Variants in TMEM132D observed in about 807,000 individuals in gnomAD.
TMEM132D encodes the protein mature OL transmembrane protein.
A neutral mutation model predicts 62.3 loss-of-function variants in TMEM132D; 21 were observed. The ratio of observed to expected loss-of-function variants is 0.34; its 90% CI spans 0.24 to 0.49. The LOEUF (loss-of-function observed/expected upper bound fraction) is 0.49, where lower values mean the gene tolerates loss of function less well. Ranked by LOEUF, TMEM132D falls within the 20% of genes least tolerant of loss-of-function variation. TMEM132D has a pLI of 0.99. For synonymous variants in TMEM132D, 621 were observed against 575.6 expected, an observed-to-expected ratio of 1.08 and a Z score of -1.13; for missense variants, 1,346 against 1,402.8, an observed-to-expected ratio of 0.96 and a Z score of 0.65.
rs114070818 is a variant in TMEM132D, at chr12:129,247,428, G to A, written c.1300-37765C>T. On this transcript the variant is annotated intron_variant, in intron 4 of 8. Coordinates refer to ENST00000422113, the MANE Select transcript of TMEM132D (RefSeq NM_133448.3). The stretch of plus-strand genomic sequence containing the variant: ...CAGCACACGACAGTCTATCTACCGT[G>A]GGAAATGGTATTGAAATAGGTCATG... 4.3e-3 allele frequency among the ~76,000 whole-genome samples: 652 copies of A among 152,270 alleles called. 6 individuals carry two copies. Among genetic ancestry groups the A allele is most frequent in the African/African-American group, 0.015 (605 of 41,560 alleles).
At chr12:129,517,123 GAC>G (rs1340289660) in intron 3 of TMEM132D, among the ~76,000 whole-genome samples, 1 of 152,124 alleles carries the variant, frequency 6.6e-6, no homozygotes, top group African/African-American at 2.4e-5. Flanking sequence ...ATAGATCCCG[GAC>G]ACAGGCATAT....
chr12:129,553,521 T>C (rs911916290), intron 2 of TMEM132D, among the ~76,000 whole-genome samples: 12 of 152,236 alleles, frequency 7.9e-5, no homozygotes, highest in African/African-American at 2.6e-4. Context: ...GGATGGAAAA[T>C]GTTTTGCAGC....
At chr12:129,407,107 TTTGA>T (rs1871814160) in intron 3 of TMEM132D, among the ~76,000 whole-genome samples, 1 of 152,246 alleles carries the variant, frequency 6.6e-6, no homozygotes, top group Non-Finnish European at 1.5e-5. Flanking sequence ...TTTTTAAAGC[TTTGA>T]TTAAGACTTG....
At chr12:129,603,259 A>G (rs747110348) in intron 2 of TMEM132D, among the ~76,000 whole-genome samples, 4 of 152,210 alleles carry the variant, frequency 2.6e-5, no homozygotes, top group African/African-American at 4.8e-5. Flanking sequence ...ACCATATCAT[A>G]CAGAGTAGAT....
At chr12:129,386,069 C>T (rs1871098065) in intron 3 of TMEM132D, among the ~76,000 whole-genome samples, 2 of 152,174 alleles carry the variant, frequency 1.3e-5, no homozygotes, top group Admixed American at 6.5e-5. Context: ...CCTGCTGGCT[C>T]ACAGTGGTAA....
chr12:129,555,399 G>A (rs992785623), intron 2 of TMEM132D, among the ~76,000 whole-genome samples: 4 of 152,200 alleles, frequency 2.6e-5, no homozygotes, highest in African/African-American at 9.7e-5. Context: ...ATTACCCTGG[G>A]ATGACCCTGC....
chr12:129,756,120 T>C (rs1800025842), intron 1 of TMEM132D, among the ~76,000 whole-genome samples: 1 of 152,092 alleles, frequency 6.6e-6, no homozygotes, highest in African/African-American at 2.4e-5. Context: ...AGCCAGGGGA[T>C]AGAGGTAGTG....
At chr12:129,423,386 T>G (rs1872386701) in intron 3 of TMEM132D, among the ~76,000 whole-genome samples, 1 of 152,176 alleles carries the variant, frequency 6.6e-6, no homozygotes, top group Non-Finnish European at 1.5e-5. Context: ...CACTGCCTTG[T>G]CAGAGGAAGC....
At chr12:129,726,807 G>A (rs1869050816) in intron 1 of TMEM132D, among the ~76,000 whole-genome samples, 1 of 152,150 alleles carries the variant, frequency 6.6e-6, no homozygotes, top group African/African-American at 2.4e-5. Context: ...AAGCAGGTCT[G>A]AGAAGCTCTC....
chr12:129,862,241 G>C (rs544795131), intron 1 of TMEM132D, among the ~76,000 whole-genome samples: 85 of 152,350 alleles, frequency 5.6e-4, no homozygotes, highest in African/African-American at 2.0e-3. Context: ...TTGAAGGCTG[G>C]TTTAGGAAGC....
chr12:129,658,931 C>G (rs999973412), intron 2 of TMEM132D, among the ~76,000 whole-genome samples: 4 of 152,086 alleles, frequency 2.6e-5, no homozygotes, highest in African/African-American at 9.7e-5. Flanking sequence ...TCTGGGGTCT[C>G]ACTCTGTCAT....
At chr12:129,360,067 G>C (rs909602933) in intron 3 of TMEM132D, among the ~76,000 whole-genome samples, 1 of 151,978 alleles carries the variant, frequency 6.6e-6, no homozygotes, top group African/African-American at 2.4e-5. Flanking sequence ...TAGGAAACTG[G>C]AATGTCACAC....
Position 129,850,217 on chromosome 12 carries a change from T to C in TMEM132D, c.79+53044A>G, listed in dbSNP as rs907185570. 2.6e-5 allele frequency among the ~76,000 whole-genome samples: 4 copies of C among 152,270 alleles called. No individual in the cohort carries two copies. In the East Asian group the frequency reaches 7.7e-4, roughly 29 times the overall value. Reference sequence around the variant, plus strand: ...CATTGATTTTTGCAAAGCTCCAATCTGGAAGGACGAGGAACACGTGACTCA... The same window carrying C: ...CATTGATTTTTGCAAAGCTCCAATCCGGAAGGACGAGGAACACGTGACTCA... On this transcript the variant is annotated intron_variant, in intron 1 of 8. Coordinates refer to ENST00000422113, the MANE Select transcript of TMEM132D (RefSeq NM_133448.3).
intron 2 of TMEM132D, among the ~76,000 whole-genome samples, chr12:129,539,849 C>T (rs1021312986): frequency 1.1e-4 from 16 of 152,174 alleles, no homozygotes; most frequent in African/African-American, 3.4e-4. Context: ...GACAAAGCAG[C>T]TCAAAGCCAG....
chr12:129,683,737 C>T (rs994712428), intron 2 of TMEM132D, among the ~76,000 whole-genome samples: 7 of 152,154 alleles, frequency 4.6e-5, no homozygotes, highest in Admixed American at 1.3e-4. Context: ...TAGTAATGTA[C>T]CTGAGGTGGG....
In TMEM132D at chr12:129,078,538, T is replaced by C. The variant is rs763622557; in HGVS notation, c.2111A>G (p.Lys704Arg). 6.2e-7 allele frequency: 1 copy of C among 1,613,456 alleles called. No homozygotes were observed. Among genetic ancestry groups the C allele is most frequent in the Non-Finnish European group, 8.5e-7 (1 of 1,179,790 alleles). The change falls in exon 8 of 9, where the codon AAA becomes AGA. Residue 704 changes from lysine to arginine, a missense_variant. Transcript: ENST00000422113. The part of the protein sequence containing the change: ...AVAQELLQRP[K>R]QEAAISCWVQ... ...GTCTCAAGCCCTCCTCCATACCTGT[T>C]TTGGCCTCTGCAGAAGTTCCTGAGC...
intron 3 of TMEM132D, among the ~76,000 whole-genome samples, chr12:129,430,469 A>G (rs907781062): frequency 6.6e-6 from 1 of 152,048 alleles, no homozygotes; most frequent in Non-Finnish European, 1.5e-5. Flanking sequence ...TAGATTCTGC[A>G]TATTAGCCCT....
chr12:129,397,671 G>A (rs1164103653), intron 3 of TMEM132D, among the ~76,000 whole-genome samples: 1 of 152,170 alleles, frequency 6.6e-6, no homozygotes, highest in East Asian at 1.9e-4. Flanking sequence ...ATCAGTGATT[G>A]TGATTGGTTG....
intron 4 of TMEM132D, among the ~76,000 whole-genome samples, chr12:129,253,710 C>G (rs534852674): frequency 6.6e-6 from 1 of 152,168 alleles, no homozygotes; most frequent in Non-Finnish European, 1.5e-5. Flanking sequence ...CTGGTGCTAT[C>G]TGGGGGCTGC....
Sources: allele counts gnomAD v4.1 joint callset (sites outside exome capture counted in the v4.1 genomes callset), GRCh38; gene constraint gnomAD v4.1.1; transcripts MANE v1.5; gene names NCBI Gene and HGNC (gene_info 2026-07-23, HGNC 2026-07-21).